SRGAP2B: variants seen among roughly 807,000 people sequenced by gnomAD.
SRGAP2B encodes the protein SLIT-ROBO Rho GTPase-activating protein 2B.
A neutral mutation model predicts 22.2 loss-of-function variants in SRGAP2B; 9 were observed. The observed-to-expected ratio is 0.41, with a 90% CI of 0.24 to 0.71. The LOEUF is 0.71. Among genes scored for constraint, SRGAP2B ranks in the 30% least tolerant of loss-of-function variants. The pLI is 0.35. For missense variants in SRGAP2B, 114 were observed against 235.8 expected (o/e 0.48, Z 3.38); for synonymous variants, 36 against 87.4 (o/e 0.41, Z 3.28).
At chr1:144,954,810 C>T (rs1283669838) in intron 4 of SRGAP2B, among the ~76,000 whole-genome samples, 5 of 149,964 alleles carry the variant, frequency 3.3e-5, no homozygotes, top group Non-Finnish European at 5.9e-5. Flanking sequence ...AATTGAGTTC[C>T]GAAAGCATTC....
chr1:144,896,425 TAA>T (rs1489781027), intron 8 of SRGAP2B, among the ~76,000 whole-genome samples: 3 of 135,142 alleles, frequency 2.2e-5, no homozygotes, highest in Admixed American at 2.2e-4. Flanking sequence ...CACTGGAGGC[TAA>T]GAGTCCAAAA....
At chr1:144,965,591 CT>C (rs1668022267) in intron 3 of SRGAP2B, among the ~76,000 whole-genome samples, 1 of 137,668 alleles carries the variant, frequency 7.3e-6, no homozygotes, top group African/African-American at 3.2e-5. Context: ...GCCTCTCCTC[CT>C]CCAAAGGAAC....
intron 8 of SRGAP2B, among the ~76,000 whole-genome samples, chr1:144,893,919 GGT>G (rs1662244258): frequency 7.7e-6 from 1 of 130,548 alleles, no homozygotes; most frequent in African/African-American, 3.3e-5. Flanking sequence ...GAGAGAAGTG[GGT>G]CAGGAGGCTA....
chr1:145,045,335 AAG>A (rs1164681075), intron 2 of SRGAP2B, among the ~76,000 whole-genome samples: 3 of 144,974 alleles, frequency 2.1e-5, no homozygotes, highest in East Asian at 2.0e-4. Flanking sequence ...AAGAGAAAGA[AAG>A]AGAGAGAGAG....
chr1:144,951,854 A>G (rs1158431140), intron 4 of SRGAP2B, among the ~76,000 whole-genome samples: 3 of 146,838 alleles, frequency 2.0e-5, no homozygotes, highest in East Asian at 2.0e-4. Flanking sequence ...CTGGTAAAAC[A>G]TATCTATTTT....
intron 2 of SRGAP2B, among the ~76,000 whole-genome samples, chr1:144,998,355 G>A (rs1184330441): frequency 2.0e-5 from 2 of 101,984 alleles, no homozygotes; most frequent in East Asian, 2.7e-4. Flanking sequence ...GGACAGCTTA[G>A]GGGGAAGTGC....
At chr1:145,027,046 C>A (rs1647839859) in intron 2 of SRGAP2B, among the ~76,000 whole-genome samples, 3 of 73,274 alleles carry the variant, frequency 4.1e-5, no homozygotes, top group South Asian at 6.3e-4. Flanking sequence ...GAGATGGAGT[C>A]TCGGTCTGTT....
chr1:145,089,105 G>A (rs1448077816), intron 2 of SRGAP2B, among the ~76,000 whole-genome samples: 4 of 151,270 alleles, frequency 2.6e-5, no homozygotes, highest in Non-Finnish European at 5.9e-5. Flanking sequence ...TTATTTATCA[G>A]GGACTTGAGC....
At chr1:145,013,509 G>C (rs2102250288) in intron 2 of SRGAP2B, among the ~76,000 whole-genome samples, 1 of 148,864 alleles carries the variant, frequency 6.7e-6, no homozygotes, top group South Asian at 2.1e-4. Context: ...CTCTTTTCGT[G>C]ATAAGAAAAG....
chr1:144,996,260 A>G (rs1670670302), intron 2 of SRGAP2B, among the ~76,000 whole-genome samples: 1 of 149,396 alleles, frequency 6.7e-6, no homozygotes, highest in Non-Finnish European at 1.5e-5. Flanking sequence ...TTATGTCCCA[A>G]TCCCCATCTG....
chr1:144,996,141 A>C (rs587770393), intron 2 of SRGAP2B, among the ~76,000 whole-genome samples: 1 of 151,326 alleles, frequency 6.6e-6, no homozygotes, highest in Non-Finnish European at 1.5e-5. Flanking sequence ...CCTCAAATGC[A>C]GCACTGCATT....
At chr1:144,957,757 A>G (rs1309283792) in intron 3 of SRGAP2B, among the ~76,000 whole-genome samples, 1 of 150,388 alleles carries the variant, frequency 6.6e-6, no homozygotes, top group Non-Finnish European at 1.5e-5. Flanking sequence ...AAACTTTCAA[A>G]ATGATTCCAA....
At chr1:145,090,012 A>G (rs1553636070) in intron 2 of SRGAP2B, among the ~76,000 whole-genome samples, 1 of 146,480 alleles carries the variant, frequency 6.8e-6, no homozygotes, top group Admixed American at 6.6e-5. Context: ...ACCAAGATTT[A>G]AACCTGAATC....
intron 4 of SRGAP2B, among the ~76,000 whole-genome samples, chr1:144,947,280 TCA>T (rs1261508459): frequency 9.9e-5 from 6 of 60,410 alleles, no homozygotes; most frequent in African/African-American, 3.8e-4. Context: ...AAATGCCTTC[TCA>T]CAGTTTCATC....
chr1:145,009,583 G>A lies in SRGAP2B; in HGVS notation c.68-14383C>T, dbSNP rs782521851. Among the ~76,000 whole-genome samples, 442 of 140,606 alleles carry A rather than the reference G, an allele frequency of 3.1e-3. 3 individuals carry two copies. The highest frequency in any genetic ancestry group is 5.0e-3 in the Non-Finnish European group (325 of 64,670). 92.2% of individuals were successfully genotyped at this position (140,606 alleles called of 152,430 possible). ...AGCCTGGGCGACAGAGCGAGACTCC[G>A]TCTCAAAAAAAAAAAAAACAAAATT... On this transcript the variant is annotated intron_variant, in intron 2 of 9. Coordinates refer to ENST00000612199, the Ensembl canonical transcript of SRGAP2B.
intron 2 of SRGAP2B, among the ~76,000 whole-genome samples, chr1:145,023,096 G>C: frequency 6.7e-6 from 1 of 149,110 alleles, no homozygotes. Context: ...ACCCGGGAGA[G>C]GCGGAGGTTG....
At chr1:144,924,952 T>TTA (rs1664550910) in intron 4 of SRGAP2B, among the ~76,000 whole-genome samples, 1 of 148,964 alleles carries the variant, frequency 6.7e-6, no homozygotes, top group African/African-American at 2.6e-5. Context: ...TTTAAGCCTA[T>TTA]GTTATTAAGT....
chr1:145,041,075 GTATATATATATATA>G (rs370443273), intron 2 of SRGAP2B, among the ~76,000 whole-genome samples: 525 of 76,358 alleles, frequency 6.9e-3, no homozygotes, highest in African/African-American at 0.028. Context: ...TATATATATA[GTATATATATATATA>G]TATATATATA....
chr1:144,909,661 G>C (rs1363463289), intron 5 of SRGAP2B, among the ~76,000 whole-genome samples: 8 of 150,402 alleles, frequency 5.3e-5, no homozygotes, highest in Admixed American at 5.3e-4. Flanking sequence ...AAGACTAGAT[G>C]AGAGGTTTAT....
Sources: gnomAD v4.1 joint callset for allele counts (sites outside exome capture counted in the v4.1 genomes callset) on GRCh38, gnomAD v4.1.1 for gene constraint, MANE v1.5 for transcripts, NCBI Gene and HGNC (gene_info 2026-07-23, HGNC 2026-07-21) for gene names.